The following NBPF12 variants were observed in gnomAD, a reference collection of about 807,000 sequenced individuals.
NBPF12 encodes NBPF member 12.
Under a neutral mutation model 146.4 loss-of-function variants are expected in NBPF12, and 115 were observed. The ratio of observed to expected loss-of-function variants is 0.79; its 90% CI spans 0.68 to 0.92. NBPF12 has a LOEUF of 0.92. NBPF12 is among the 40% of genes least tolerant of loss of function. The pLI, the probability that NBPF12 is intolerant of heterozygous loss-of-function variation, is 0.00. For missense variants in NBPF12, 1,205 were observed against 1,326.8 expected (o/e 0.91, Z 1.43); for synonymous variants, 385 against 508.9 (o/e 0.76, Z 3.28).
rs1280940680 is a variant in NBPF12, at chr1:146,994,542, G to C, written c.4341G>C (p.Leu1447=). ...CTTTGACGGTGACAAGTCTCCACCT[G>C]GTCTTCCAGATGGGAGTCATATTCC... The change falls in exon 34 of 34, where the codon CTG becomes CTC. Residue 1447 remains leucine, a synonymous_variant. Coordinates refer to ENST00000617844, the Ensembl canonical transcript of NBPF12. 5 of 1,609,408 alleles carry C rather than the reference G, an allele frequency of 3.1e-6. No individual in the cohort carries two copies. The African/African-American group carries it at 5.4e-5, about 18-fold the overall frequency.
chr1:146,971,946 G>T (rs1656657009), intron 13 of NBPF12, among the ~76,000 whole-genome samples: 1 of 148,324 alleles, frequency 6.7e-6, no homozygotes, highest in African/African-American at 2.6e-5. Context: ...AAATTAGCTG[G>T]GCGCGGTGTT....
chr1:146,967,657 G>A (rs1394281579), intron 9 of NBPF12, among the ~76,000 whole-genome samples: 1 of 150,174 alleles, frequency 6.7e-6, no homozygotes, highest in Non-Finnish European at 1.5e-5. Flanking sequence ...TACAGAGCAG[G>A]GACCGTGGGC....
At chr1:146,994,948 G>C (rs11581296) in exon 34 of NBPF12, 2 of 342,058 alleles carry the variant, frequency 5.8e-6, no homozygotes, top group African/African-American at 2.1e-5. Context: ...TCATCCAAAG[G>C]TGTTACCCTG....
At chr1:146,964,506 C>G (rs1283871109) in intron 7 of NBPF12, 77 bp downstream of exon 10, 3 of 1,589,510 alleles carry the variant, frequency 1.9e-6, no homozygotes, top group Non-Finnish European at 2.6e-6. Context: ...TCTCTGGCAT[C>G]TATGGTGGGC....
chr1:146,952,037 G>A (rs1294477709), intron 2 of NBPF12: 1 of 154,714 alleles, frequency 6.5e-6, no homozygotes, highest in East Asian at 1.9e-4. Flanking sequence ...AACATTTGGA[G>A]GTAATTCAGT....
intron 23 of NBPF12, among the ~76,000 whole-genome samples, 176 bp downstream of exon 26, chr1:146,985,932 T>G (rs1418927837): frequency 1.3e-5 from 2 of 150,596 alleles, no homozygotes; most frequent in African/African-American, 4.9e-5. Flanking sequence ...CTTCCTCCCC[T>G]TGTCATTTAC....
At chr1:146,962,207 G>A in exon 5 of NBPF12, 2 of 1,608,570 alleles carry the variant, frequency 1.2e-6, no homozygotes, top group Non-Finnish European at 1.7e-6. Context: ...TGAGGAATGA[G>A]CGACAGTTCA....
At chr1:146,954,367 G>A (rs1655460997) in intron 2 of NBPF12, among the ~76,000 whole-genome samples, 1 of 99,194 alleles carries the variant, frequency 1.0e-5, no homozygotes. Flanking sequence ...TCCAGCCTGG[G>A]TAACAGAGCA....
At chr1:146,963,605 G>C (rs1462878958) in intron 6 of NBPF12, among the ~76,000 whole-genome samples, 1 of 151,918 alleles carries the variant, frequency 6.6e-6, no homozygotes, top group Non-Finnish European at 1.5e-5. Flanking sequence ...GCGCTTGTTG[G>C]AGTGAAAAGA....
At chr1:146,943,054 C>T (rs1654876083) in intron 1 of NBPF12, among the ~76,000 whole-genome samples, 1 of 140,730 alleles carries the variant, frequency 7.1e-6, no homozygotes, top group Admixed American at 7.5e-5. Flanking sequence ...TGTGCGCCAC[C>T]ATGCTCGGCT....
At position 146,957,989 on chromosome 1, in the gene NBPF12, A is replaced by G. The variant is rs1343258936; in HGVS notation, c.-183-1870A>G. Among the ~76,000 whole-genome samples the G allele has an allele frequency of 1.0e-3, 121 of 120,632 alleles. 22 individuals are homozygous for G. The highest frequency in any genetic ancestry group is 1.5e-3 in the Non-Finnish European group (83 of 55,932). The allele number at this position is 120,632 out of a possible 152,430, so 79.1% of individuals were successfully genotyped here. On this transcript the variant is annotated intron_variant, in intron 2 of 33. Coordinates refer to ENST00000617844, the Ensembl canonical transcript of NBPF12. Reference sequence around the variant, plus strand: ...TGTATACATGTATATATGTGTGTGTATATATATATATACATGTGTATATAT... The same window carrying G: ...TGTATACATGTATATATGTGTGTGTGTATATATATATACATGTGTATATAT...
exon 34 of NBPF12, chr1:146,994,495 G>T (rs782222212): frequency 3.7e-6 from 6 of 1,609,236 alleles, no homozygotes; most frequent in African/African-American, 1.4e-5. Flanking sequence ...CTTTGCCCTT[G>T]ACATGGACAA....
chr1:146,994,391 G>T lies in NBPF12; in HGVS notation c.4190G>T (p.Arg1397Ile), dbSNP rs781986814. ...GAAGTCTTGCAGGACTCACTGGATA[G>T]ATGTTATTCGACTCCATCAATGTAC... The change falls in exon 34 of 34, where the codon AGA (arginine) becomes ATA (isoleucine). Residue 1397 changes from arginine to isoleucine, a missense_variant. Around this residue, in one of 16 missense-constraint regions of NBPF12, gnomAD observed 210 missense variants for 94.4 expected, o/e 2.22. Coordinates refer to ENST00000617844, the Ensembl canonical transcript of NBPF12. The T allele has an allele frequency of 2.5e-6, 4 of 1,612,264 alleles. No individual in the cohort carries two copies. The African/African-American group carries it at 5.4e-5, about 22-fold the overall frequency.
At chr1:146,947,929 T>C (rs1275203876), upstream of NBPF12, among the ~76,000 whole-genome samples, 1 of 152,022 alleles carries the variant, frequency 6.6e-6, no homozygotes, top group Non-Finnish European at 1.5e-5. Context: ...AAAGGAATTT[T>C]TTAAAATCTG....
intron 2 of NBPF12, chr1:146,957,738 G>C (rs1655656936): frequency 7.5e-6 from 1 of 133,772 alleles, no homozygotes; most frequent in Non-Finnish European, 1.6e-5. Flanking sequence ...GCTGGCAGGT[G>C]GGGGAGGCGG....
chr1:146,973,914 G>A (rs1458075759), intron 14 of NBPF12, among the ~76,000 whole-genome samples: 7 of 150,694 alleles, frequency 4.6e-5, no homozygotes, highest in South Asian at 2.1e-4. Context: ...CCGAGAATGT[G>A]TGGAGGTAGC....
intron 1 of NBPF12, among the ~76,000 whole-genome samples, chr1:146,940,686 T>G (rs1345012411): frequency 2.6e-5 from 4 of 152,050 alleles, no homozygotes; most frequent in Non-Finnish European, 5.9e-5. Flanking sequence ...ATATGAATGA[T>G]AAAACTTTAG....
upstream of NBPF12, among the ~76,000 whole-genome samples, chr1:146,944,986 TC>T (rs1654970570): frequency 1.9e-4 from 3 of 16,190 alleles, no homozygotes; most frequent in African/African-American, 2.6e-4. Context: ...CTCCCTGCCT[TC>T]CTTCCTCCCT....
At chr1:146,994,402 A>T (rs1373122655) in exon 34 of NBPF12, 2 of 1,611,662 alleles carry the variant, frequency 1.2e-6, no homozygotes, top group Non-Finnish European at 1.7e-6. Context: ...ATGTTATTCG[A>T]CTCCATCAAT....
Sources: allele counts gnomAD v4.1 joint callset (sites outside exome capture counted in the v4.1 genomes callset), GRCh38; gene constraint gnomAD v4.1.1; regional missense constraint gnomAD v4.1.1; transcripts MANE v1.5; gene names NCBI Gene and HGNC (gene_info 2026-07-23, HGNC 2026-07-21).